Variants in LRP1B observed in about 807,000 individuals in gnomAD.
LRP1B encodes the protein low-density lipoprotein receptor-related protein 1B.
Under a neutral mutation model 556.6 loss-of-function variants are expected in LRP1B, and 217 were observed. The ratio of observed to expected loss-of-function variants is 0.39; its 90% CI spans 0.35 to 0.44. LRP1B has a LOEUF of 0.44. Among genes scored for constraint, LRP1B ranks in the 20% least tolerant of loss-of-function variants. The pLI is 1.00. For synonymous variants in LRP1B, 2,047 were observed against 1,865.8 expected, an observed-to-expected ratio of 1.10 and a Z score of -2.50; for missense variants, 5,053 against 5,620.8, an observed-to-expected ratio of 0.90 and a Z score of 3.23.
chr2:140,739,050 A>G (rs572792016), intron 35 of LRP1B, among the ~76,000 whole-genome samples: 1 of 152,290 alleles, frequency 6.6e-6, no homozygotes, highest in East Asian at 1.9e-4. Flanking sequence ...GGTCTGCCAC[A>G]TTCCCCATTA....
intron 3 of LRP1B, among the ~76,000 whole-genome samples, chr2:141,293,557 A>C (rs1431744490): frequency 6.6e-6 from 1 of 152,164 alleles, no homozygotes; most frequent in African/African-American, 2.4e-5. Context: ...TGTGCTGCTC[A>C]AGAAATTGAA....
intron 49 of LRP1B, among the ~76,000 whole-genome samples, chr2:140,518,221 A>T (rs5004991): frequency 0.72 from 109,984 of 152,008 alleles, 40,326 homozygotes; most frequent in Middle Eastern, 0.87. Flanking sequence ...TAAAGATGAA[A>T]ATATATTTTT....
In LRP1B at chr2:141,680,018, G is replaced by A. The variant is rs548933187; in HGVS notation, c.205+130261C>T. Among the ~76,000 whole-genome samples, 9 of 151,976 alleles carry A rather than the reference G, an allele frequency of 5.9e-5. No homozygotes were observed. The East Asian group carries it at 1.7e-3, about 29-fold the overall frequency. On this transcript the variant is annotated intron_variant, in intron 2 of 90. Transcript: ENST00000389484. ...TAAATGAGATGGGCTTTAGCCATATGGGTAATAAAGTATTTCTTTGGGAGA... is the reference window on the plus strand; with the variant it reads ...TAAATGAGATGGGCTTTAGCCATATAGGTAATAAAGTATTTCTTTGGGAGA...
chr2:141,972,763 A>G (rs1295789059), intron 1 of LRP1B, among the ~76,000 whole-genome samples: 1 of 151,666 alleles, frequency 6.6e-6, no homozygotes, highest in African/African-American at 2.4e-5. Context: ...AATCCTAGTG[A>G]TGCCCACTTT....
At chr2:140,368,876 A>G (rs1558834214) in intron 71 of LRP1B, among the ~76,000 whole-genome samples, 1 of 151,888 alleles carries the variant, frequency 6.6e-6, no homozygotes. Context: ...CTTAAGGTAC[A>G]TTCATATGGG....
Position 140,467,264 on chromosome 2 carries a change from C to T in LRP1B, c.9625+7874G>A, listed in dbSNP as rs186405536. Among the ~76,000 whole-genome samples, 127 of 152,106 alleles carry T rather than the reference C, an allele frequency of 8.3e-4. 1 individual carries two copies. The highest frequency in any genetic ancestry group is 2.9e-3 in the African/African-American group (122 of 41,490). On this transcript the variant is annotated intron_variant, in intron 60 of 90. Coordinates refer to ENST00000389484, the MANE Select transcript of LRP1B (RefSeq NM_018557.3). ...CTAAATCATGGTGCTATGGTCTTAACGTTGGTGTCTCCCCAAAATTCATAT... is the reference window on the plus strand; with the variant it reads ...CTAAATCATGGTGCTATGGTCTTAATGTTGGTGTCTCCCCAAAATTCATAT...
chr2:140,291,318 A>ATATATGTTTTTTT (rs369391920), intron 84 of LRP1B, among the ~76,000 whole-genome samples: 3 of 109,334 alleles, frequency 2.7e-5, no homozygotes, highest in Non-Finnish European at 4.0e-5. Flanking sequence ...ATATATATAT[A>ATATATGTTTTTTT]TTTTTATTAT....
chr2:140,277,383 C>T (rs570310002), intron 84 of LRP1B, among the ~76,000 whole-genome samples: 2 of 151,726 alleles, frequency 1.3e-5, no homozygotes, highest in South Asian at 4.2e-4. Flanking sequence ...GTCAGGAGTT[C>T]GAGACCAGCC....
intron 1 of LRP1B, among the ~76,000 whole-genome samples, chr2:142,064,413 T>G (rs1242381940): frequency 6.6e-6 from 1 of 151,570 alleles, no homozygotes; most frequent in African/African-American, 2.4e-5. Context: ...CTAATTATTC[T>G]TACAACCAGT....
chr2:141,132,739 A>G (rs141673470), intron 7 of LRP1B, among the ~76,000 whole-genome samples: 2,211 of 152,100 alleles, frequency 0.015, 23 homozygotes, highest in Middle Eastern at 0.048. Flanking sequence ...TTAACTCTAT[A>G]TATGTATTGA....
intron 3 of LRP1B, among the ~76,000 whole-genome samples, chr2:141,390,361 G>A (rs1690003952): frequency 6.6e-6 from 1 of 152,138 alleles, no homozygotes; most frequent in Non-Finnish European, 1.5e-5. Context: ...AGACTAAAAT[G>A]TTTCACCTGG....
At chr2:141,610,395 T>C (rs532261087) in intron 2 of LRP1B, among the ~76,000 whole-genome samples, 12 of 148,968 alleles carry the variant, frequency 8.1e-5, no homozygotes, top group African/African-American at 2.4e-4. Context: ...CTAGGCATTG[T>C]AAACAGTGTT....
intron 3 of LRP1B, among the ~76,000 whole-genome samples, chr2:141,388,145 A>G (rs982146448): frequency 5.3e-5 from 8 of 152,214 alleles, no homozygotes; most frequent in Non-Finnish European, 1.0e-4. Context: ...CATTAAAATA[A>G]TACTCAATGG....
intron 2 of LRP1B, among the ~76,000 whole-genome samples, chr2:141,549,838 T>C (rs375325144): frequency 2.6e-5 from 4 of 152,148 alleles, no homozygotes; most frequent in Admixed American, 1.3e-4. Context: ...CTACTAAGAA[T>C]ACAAAAATTA....
At position 140,771,041 on chromosome 2, in the gene LRP1B, T is replaced by C. The variant is rs780808145; in HGVS notation, c.5501-35A>G. 3.3e-6 allele frequency: 5 copies of C among 1,507,702 alleles called. No homozygotes were observed. The East Asian group carries it at 9.7e-5, about 29-fold the overall frequency. The allele number at this position is 1,507,702 out of a possible 1,614,324, so 93.4% of individuals were successfully genotyped here. On this transcript the variant is annotated intron_variant, in intron 33 of 90. Coordinates refer to ENST00000389484, the MANE Select transcript of LRP1B (RefSeq NM_018557.3). Reference sequence around the variant, plus strand: ...ATGAAAATGAAACAAATTTCTTTAATGAAATTTTTAAAAAATAAAGTTTTA... The same window carrying C: ...ATGAAAATGAAACAAATTTCTTTAACGAAATTTTTAAAAAATAAAGTTTTA...
intron 11 of LRP1B, among the ~76,000 whole-genome samples, chr2:141,021,077 A>G (rs1050212335): frequency 2.0e-5 from 3 of 152,106 alleles, no homozygotes; most frequent in Middle Eastern, 3.4e-3. Context: ...TAGAGTACAT[A>G]GACTTCCTCT....
At chr2:142,066,376 T>C (rs531500154) in intron 1 of LRP1B, among the ~76,000 whole-genome samples, 112 of 151,594 alleles carry the variant, frequency 7.4e-4, no homozygotes, top group African/African-American at 2.6e-3. Flanking sequence ...ACAGTTTACA[T>C]AGAAATCTCC....
chr2:141,719,173 C>T (rs985029730), intron 2 of LRP1B, among the ~76,000 whole-genome samples: 1 of 152,098 alleles, frequency 6.6e-6, no homozygotes, highest in South Asian at 2.1e-4. Context: ...TCTAGTGATA[C>T]AAGGTGTAAT....
At chr2:141,129,573 G>A (rs540158790) in intron 7 of LRP1B, among the ~76,000 whole-genome samples, 1 of 151,406 alleles carries the variant, frequency 6.6e-6, no homozygotes, top group African/African-American at 2.4e-5. Context: ...TAGTGTGTGT[G>A]GGGGGAGGGG....
Sources: gnomAD v4.1 joint callset for allele counts (sites outside exome capture counted in the v4.1 genomes callset) on GRCh38, gnomAD v4.1.1 for gene constraint, MANE v1.5 for transcripts, NCBI Gene and HGNC (gene_info 2026-07-23, HGNC 2026-07-21) for gene names.